TIMP4: variants seen among roughly 807,000 people sequenced by gnomAD.
TIMP4 encodes metalloproteinase inhibitor 4.
A neutral mutation model predicts 27.3 loss-of-function variants in TIMP4; 28 were observed. The ratio of observed to expected loss-of-function variants is 1.03; its 90% CI spans 0.76 to 1.41. The LOEUF (loss-of-function observed/expected upper bound fraction) is 1.41, where lower values mean the gene tolerates loss of function less well. TIMP4 is among the 40% of genes most tolerant of loss of function. TIMP4 has a pLI of 0.00. For synonymous variants in TIMP4, 138 were observed against 115.5 expected, an observed-to-expected ratio of 1.20 and a Z score of -1.25; for missense variants, 307 against 285.5, an observed-to-expected ratio of 1.08 and a Z score of -0.54.
In TIMP4 at chr3:12,156,948, A is replaced by AC; in HGVS notation, c.238-15dup. 6.3e-7 allele frequency: 1 copy of AC among 1,599,214 alleles called. No individual in the cohort carries two copies. On this transcript the variant is annotated splice_polypyrimidine_tract_variant and intron_variant, in intron 2 of 4. Transcript: ENST00000287814. ...CCCTTTGAACATCTGACAGGCAATT[A>AC]CAAAAAAAGGCAATATTGGGTCAGT...
chr3:12,157,678 C>T (rs1398012910), intron 1 of TIMP4, among the ~76,000 whole-genome samples, 196 bp from the exon 2 acceptor site: 1 of 152,168 alleles, frequency 6.6e-6, no homozygotes, highest in Non-Finnish European at 1.5e-5. Context: ...TTCCAAACCC[C>T]TCAGGCTTAT....
intron 3 of TIMP4, 147 bp downstream of exon 3, chr3:12,156,673 T>A: frequency 1.7e-6 from 1 of 592,390 alleles, no homozygotes; most frequent in Non-Finnish European, 3.0e-6. Flanking sequence ...CCAGAGGTTG[T>A]CTGTCACTAA....
intron 4 of TIMP4, 51 bp downstream of exon 4, chr3:12,154,276 T>C: frequency 6.2e-7 from 1 of 1,613,068 alleles, no homozygotes; most frequent in Non-Finnish European, 8.5e-7. Flanking sequence ...GAATGAAGGC[T>C]CAGAACCCTT....
intron 4 of TIMP4, among the ~76,000 whole-genome samples, chr3:12,153,943 A>G (rs1256106848): frequency 6.6e-6 from 1 of 152,200 alleles, no homozygotes; most frequent in African/African-American, 2.4e-5. Flanking sequence ...TCCTTACTCT[A>G]CCACTGACCT....
In TIMP4 at chr3:12,156,875, A is replaced by G; in HGVS notation, c.297T>C (p.Ser99=). The change falls in exon 3 of 5, where the codon TCT becomes TCC. Residue 99 remains serine (S), a synonymous_variant. Transcript: ENST00000287814. ...CTTCTAGTTTCACACCACAGAGGGA[A>G]GAGTCAAAAGGCGTATAGATATACT... The part of the protein sequence containing the change: ...DVQYIYTPFD[S]SLCGVKLEAN... 1.2e-6 allele frequency: 2 copies of G among 1,614,244 alleles called. No individual in the cohort carries two copies. The highest frequency in any genetic ancestry group is 1.7e-6 in the Non-Finnish European group (2 of 1,180,034).
At chr3:12,154,963 T>C (rs977177568) in intron 3 of TIMP4, among the ~76,000 whole-genome samples, 3 of 143,692 alleles carry the variant, frequency 2.1e-5, no homozygotes, top group African/African-American at 7.7e-5. Flanking sequence ...CTGCTCTAGA[T>C]TGGTGAGTCT....
chr3:12,153,398 GC>G lies in TIMP4; in HGVS notation c.*116del. 8.3e-7 allele frequency: 1 copy of G among 1,208,610 alleles called. No individual in the cohort carries two copies. Among genetic ancestry groups the G allele is most frequent in the Non-Finnish European group, 1.2e-6 (1 of 823,180 alleles). The allele number at this position is 1,208,610 out of a possible 1,614,324, so 74.9% of individuals were successfully genotyped here. A position where few individuals can be genotyped will look rare whatever the true frequency, so the allele number is the denominator to read the frequency against. ...TGACAGTGGCCAGACTGTCCACTTG[GC>G]ACTTCTTATTAGCTGGCAGCAAGAG... On this transcript the variant is annotated 3_prime_UTR_variant, in exon 5 of 5. Transcript: ENST00000287814.
At position 12,153,386 on chromosome 3, in the gene TIMP4, A is replaced by C; in HGVS notation, c.*129T>G. On this transcript the variant is annotated 3_prime_UTR_variant, in exon 5 of 5. Coordinates refer to ENST00000287814, the MANE Select transcript of TIMP4 (RefSeq NM_003256.4). ...CCTTCCCTGCCTTGACAGTGGCCAG[A>C]CTGTCCACTTGGCACTTCTTATTAG... 1 of 1,091,648 alleles carries C rather than the reference A, an allele frequency of 9.2e-7. No individual in the cohort carries two copies. Among genetic ancestry groups the C allele is most frequent in the South Asian group, 1.4e-5 (1 of 72,936 alleles). The allele number at this position is 1,091,648 out of a possible 1,614,324, so 67.6% of individuals were successfully genotyped here. A position where few individuals can be genotyped will look rare whatever the true frequency, so the allele number is the denominator to read the frequency against.
At chr3:12,153,821 C>G (rs1426607666) in intron 4 of TIMP4, 109 bp from the exon 5 acceptor site, 37 of 1,170,166 alleles carry the variant, frequency 3.2e-5, no homozygotes, top group Non-Finnish European at 2.5e-6. Flanking sequence ...TGCCCCCTAT[C>G]TTATCAAGCC....
At position 12,158,888 on chromosome 3, in the gene TIMP4, G is replaced by A. The variant is rs747781934; in HGVS notation, c.-48C>T. 144 of 1,475,860 alleles carry A rather than the reference G, an allele frequency of 9.8e-5. No individual in the cohort carries two copies. The highest frequency in any genetic ancestry group is 4.2e-4 in the African/African-American group (30 of 71,140). 91.4% of individuals were successfully genotyped at this position (1,475,860 alleles called of 1,614,324 possible). A position where few individuals can be genotyped will look rare whatever the true frequency, so the allele number is the denominator to read the frequency against. The stretch of plus-strand genomic sequence containing the variant: ...GCCTGTGAGGTCTGGGGGACTGGAC[G>A]GCCCCAGCAGGGCTCCTTCCCAAGG... On this transcript the variant is annotated 5_prime_UTR_variant, in exon 1 of 5. Transcript: ENST00000287814.
intron 3 of TIMP4, among the ~76,000 whole-genome samples, chr3:12,156,358 A>G (rs1390523368): frequency 1.3e-5 from 2 of 152,304 alleles, no homozygotes; most frequent in African/African-American, 4.8e-5. Context: ...TAACTGTTCT[A>G]TCCCAGCCAA....
At chr3:12,154,222 T>C in intron 4 of TIMP4, 105 bp downstream of exon 4, 1 of 1,516,584 alleles carries the variant, frequency 6.6e-7, no homozygotes, top group Non-Finnish European at 9.0e-7. Flanking sequence ...CTTCATACAG[T>C]GCAGATCTCA....
At position 12,158,736 on chromosome 3, in the gene TIMP4, C is replaced by A. The variant is rs775024177; in HGVS notation, c.105G>T (p.Ala35=). ...AGTGGCAGATGTGCTGCTGAGGGTG[C>A]GCCGGGGCGCAGCTGCATGCCTCAC... ...GLGEACSCAP[A]HPQQHICHSA... The change falls in exon 1 of 5, where the codon GCG becomes GCT. Residue 35 remains alanine (A), a synonymous_variant. Transcript: ENST00000287814. 4 of 1,609,150 alleles carry A rather than the reference C, an allele frequency of 2.5e-6. No individual in the cohort carries two copies. The highest frequency in any genetic ancestry group is 1.3e-5 in the African/African-American group (1 of 74,910).
rs1479138981 is a variant in TIMP4, at chr3:12,157,496, G to A, written c.140-14C>T. 6.2e-7 allele frequency: 1 copy of A among 1,613,504 alleles called. No individual in the cohort carries two copies. Among genetic ancestry groups the A allele is most frequent in the East Asian group, 2.2e-5 (1 of 44,876 alleles). On this transcript the variant is annotated splice_polypyrimidine_tract_variant and intron_variant, in intron 1 of 4. Transcript: ENST00000287814. ...TGGCCCGAATCACTGCATAGGAAGA[G>A]AAAAGAGGGAACCTTCAGCAGCTGG...
At chr3:12,156,023 G>A (rs1420736412) in intron 3 of TIMP4, among the ~76,000 whole-genome samples, 6 of 152,126 alleles carry the variant, frequency 3.9e-5, no homozygotes, top group Admixed American at 3.9e-4. Context: ...GCCATGTCTG[G>A]ACAGTGAACT....
intron 1 of TIMP4, 121 bp downstream of exon 1, chr3:12,158,581 A>C: frequency 2.6e-5 from 38 of 1,447,732 alleles, no homozygotes; most frequent in Non-Finnish European, 3.5e-5. Flanking sequence ...AGCCTCAGCA[A>C]GAGACAACCG....
chr3:12,158,354 G>GC (rs1697521214), intron 1 of TIMP4, among the ~76,000 whole-genome samples: 1 of 152,132 alleles, frequency 6.6e-6, no homozygotes. Context: ...TACAATGCAA[G>GC]CCCTCTCCCC....
chr3:12,155,636 A>G (rs1697432763), intron 3 of TIMP4, among the ~76,000 whole-genome samples: 1 of 152,228 alleles, frequency 6.6e-6, no homozygotes, highest in African/African-American at 2.4e-5. Flanking sequence ...TTTCAACACC[A>G]GGCAAAGGAG....
Position 12,154,359 on chromosome 3 carries a change from TCAGACTTTCCCTCTGCACCAAGGA to T in TIMP4, c.421_444del (p.Ser141_Leu148del). 1 of 1,614,216 alleles carries T rather than the reference TCAGACTTTCCCTCTGCACCAAGGA, an allele frequency of 6.2e-7. No individual in the cohort carries two copies. The highest frequency in any genetic ancestry group is 8.5e-7 in the Non-Finnish European group (1 of 1,180,032). On this transcript the variant is annotated inframe_deletion, in exon 4 of 5. Coordinates refer to ENST00000287814, the MANE Select transcript of TIMP4 (RefSeq NM_003256.4). ...CCACAGTTCAGATGGTAGTGATGAT[TCAGACTTTCCCTCTGCACCAAGGA>T]CAGGTCCTCCCAGGGCTCGATGTAG...
Sources: gnomAD v4.1 joint callset for allele counts (sites outside exome capture counted in the v4.1 genomes callset) on GRCh38, gnomAD v4.1.1 for gene constraint, MANE v1.5 for transcripts, NCBI Gene and HGNC (gene_info 2026-07-23, HGNC 2026-07-21) for gene names.